RSU1: variants seen among roughly 807,000 people sequenced by gnomAD.
RSU1 encodes the protein rsu-1.
A neutral mutation model predicts 31.1 loss-of-function variants in RSU1; 26 were observed. That is an observed-to-expected ratio of 0.84 (90% CI 0.61 to 1.16). The LOEUF (loss-of-function observed/expected upper bound fraction) is 1.16. RSU1 is among the 50% of genes most tolerant of loss of function. The pLI is 0.00. For synonymous variants in RSU1, 164 were observed against 136.3 expected, an observed-to-expected ratio of 1.20 and a Z score of -1.41; for missense variants, 320 against 339.1, an observed-to-expected ratio of 0.94 and a Z score of 0.44.
chr10:16,706,531 AT>A (rs1056006376), intron 7 of RSU1, among the ~76,000 whole-genome samples: 20 of 152,128 alleles, frequency 1.3e-4, no homozygotes, highest in African/African-American at 4.8e-4. Flanking sequence ...ATTTACAAAT[AT>A]TTTCTCTCAT....
intron 7 of RSU1, among the ~76,000 whole-genome samples, chr10:16,715,769 G>A (rs1836127135): frequency 6.6e-6 from 1 of 152,204 alleles, no homozygotes; most frequent in African/African-American, 2.4e-5. Context: ...TCTCAAGGTT[G>A]TTTTGACTAC....
chr10:16,750,112 C>T (rs1836945109), intron 7 of RSU1, among the ~76,000 whole-genome samples: 2 of 152,042 alleles, frequency 1.3e-5, no homozygotes, highest in Non-Finnish European at 2.9e-5. Flanking sequence ...ATTTACAGTG[C>T]CTTGCAATTC....
intron 2 of RSU1, among the ~76,000 whole-genome samples, chr10:16,784,001 G>A (rs1837714993): frequency 6.6e-6 from 1 of 152,150 alleles, no homozygotes; most frequent in Non-Finnish European, 1.5e-5. Flanking sequence ...TCTAAGCTGA[G>A]AATTTCTCTT....
intron 8 of RSU1, among the ~76,000 whole-genome samples, chr10:16,596,553 C>A (rs1363407307): frequency 6.6e-6 from 1 of 152,196 alleles, no homozygotes; most frequent in Non-Finnish European, 1.5e-5. Flanking sequence ...AAGCAAGGGT[C>A]TGACTCTGTG....
chr10:16,782,459 T>C (rs1371655097), intron 2 of RSU1, among the ~76,000 whole-genome samples: 4 of 152,208 alleles, frequency 2.6e-5, no homozygotes, highest in Non-Finnish European at 5.9e-5. Context: ...CACAGGGGCC[T>C]TACCTTGTGC....
chr10:16,813,924 C>T (rs79471582), intron 2 of RSU1, among the ~76,000 whole-genome samples: 1,554 of 152,258 alleles, frequency 0.01, 27 homozygotes, highest in African/African-American at 0.035. Flanking sequence ...ACAACTCTCC[C>T]AGGAAGAAAG....
chr10:16,673,993 A>C (rs1835172044), intron 8 of RSU1, among the ~76,000 whole-genome samples: 1 of 152,168 alleles, frequency 6.6e-6, no homozygotes, highest in African/African-American at 2.4e-5. Context: ...GATGGAACAC[A>C]AAAGCAACAC....
At chr10:16,734,686 G>T (rs749971826) in intron 7 of RSU1, among the ~76,000 whole-genome samples, 3 of 152,270 alleles carry the variant, frequency 2.0e-5, no homozygotes, top group Middle Eastern at 3.4e-3. Context: ...ATAAGCAGGT[G>T]AACAATGCAA....
intron 8 of RSU1, among the ~76,000 whole-genome samples, chr10:16,685,068 C>T (rs941491394): frequency 6.6e-6 from 1 of 152,012 alleles, no homozygotes; most frequent in Non-Finnish European, 1.5e-5. Flanking sequence ...GCCAACATGG[C>T]AAAACCCCAT....
chr10:16,754,037 TATAAC>T (rs1187407695), intron 5 of RSU1, among the ~76,000 whole-genome samples: 2 of 152,216 alleles, frequency 1.3e-5, no homozygotes, highest in African/African-American at 4.8e-5. Context: ...TGCATGTTAA[TATAAC>T]ATAATAAAAA....
chr10:16,670,109 G>T (rs1334206427), intron 8 of RSU1, among the ~76,000 whole-genome samples: 1 of 152,176 alleles, frequency 6.6e-6, no homozygotes, highest in East Asian at 1.9e-4. Context: ...AATCAATTCA[G>T]TAAGTTGTTT....
intron 4 of RSU1, among the ~76,000 whole-genome samples, chr10:16,756,324 G>T (rs777787223): frequency 1.3e-5 from 2 of 152,236 alleles, no homozygotes; most frequent in Middle Eastern, 6.8e-3. Context: ...TACATTTTGT[G>T]TGCATTTTAT....
intron 8 of RSU1, among the ~76,000 whole-genome samples, chr10:16,689,627 A>G (rs1038524583): frequency 2.0e-5 from 3 of 152,260 alleles, no homozygotes; most frequent in Non-Finnish European, 4.4e-5. Flanking sequence ...TTATTTGGCT[A>G]GATTTCTAAT....
At chr10:16,810,784 G>A (rs1838391568) in intron 2 of RSU1, among the ~76,000 whole-genome samples, 1 of 152,216 alleles carries the variant, frequency 6.6e-6, no homozygotes. Context: ...CCACCCGGGA[G>A]GCTGGGGCAG....
At chr10:16,713,838 G>T (rs1403852909) in intron 7 of RSU1, among the ~76,000 whole-genome samples, 1 of 152,090 alleles carries the variant, frequency 6.6e-6, no homozygotes, top group Non-Finnish European at 1.5e-5. Context: ...CTTTCATTAG[G>T]AGATAATTCT....
chr10:16,781,888 C>G, intron 3 of RSU1, 146 bp downstream of exon 3: 1 of 653,750 alleles, frequency 1.5e-6, no homozygotes, highest in African/African-American at 1.8e-5. Context: ...TGACAATATT[C>G]TCATCTTAGT....
intron 8 of RSU1, among the ~76,000 whole-genome samples, chr10:16,640,529 C>T (rs1834423232): frequency 1.3e-5 from 2 of 152,224 alleles, no homozygotes; most frequent in African/African-American, 4.8e-5. Flanking sequence ...GAACATGGGC[C>T]ACTGGGCCTG....
At chr10:16,625,454 G>C (rs1564290033) in intron 8 of RSU1, among the ~76,000 whole-genome samples, 1 of 152,280 alleles carries the variant, frequency 6.6e-6, no homozygotes, top group East Asian at 1.9e-4. Flanking sequence ...ACTGAAAGAA[G>C]CAAAGCGGTG....
intron 8 of RSU1, among the ~76,000 whole-genome samples, chr10:16,640,005 G>A (rs1002106637): frequency 3.3e-5 from 5 of 152,108 alleles, no homozygotes; most frequent in East Asian, 1.9e-4. Flanking sequence ...AATGGGAACC[G>A]ATCTAGCATT....
Sources: allele counts gnomAD v4.1 joint callset (sites outside exome capture counted in the v4.1 genomes callset), GRCh38; gene constraint gnomAD v4.1.1; transcripts MANE v1.5; gene names NCBI Gene and HGNC (gene_info 2026-07-23, HGNC 2026-07-21).